TIMP3: variants seen among roughly 807,000 people sequenced by gnomAD.
TIMP3 encodes TIMP metallopeptidase inhibitor 3.
Under a neutral mutation model 30.0 loss-of-function variants are expected in TIMP3, and 11 were observed. The observed-to-expected ratio is 0.37, with a 90% confidence interval of 0.23 to 0.61. The LOEUF (loss-of-function observed/expected upper bound fraction) is 0.61. TIMP3 is among the 20% of genes least tolerant of loss of function. TIMP3 has a pLI of 0.70. For synonymous variants in TIMP3, 112 were observed against 111.3 expected, an observed-to-expected ratio of 1.01 and a Z score of -0.04; for missense variants, 181 against 276.8, an observed-to-expected ratio of 0.65 and a Z score of 2.45.
chr22:32,811,670 C>T (rs985173894), intron 1 of TIMP3, among the ~76,000 whole-genome samples: 5 of 152,100 alleles, frequency 3.3e-5, no homozygotes, highest in South Asian at 4.1e-4. Context: ...AACTTCGCAA[C>T]GAGGAAAGCA....
intron 1 of TIMP3, among the ~76,000 whole-genome samples, chr22:32,804,253 A>C (rs2046666276): frequency 6.6e-6 from 1 of 152,194 alleles, no homozygotes. Flanking sequence ...TAATGCTTTT[A>C]AAATGGGAGG....
At chr22:32,846,550 C>T (rs1314397889) in intron 1 of TIMP3, among the ~76,000 whole-genome samples, 1 of 152,188 alleles carries the variant, frequency 6.6e-6, no homozygotes, top group Non-Finnish European at 1.5e-5. Context: ...ACCCTCACAG[C>T]AACTTTATGA....
chr22:32,859,493 C>T lies in TIMP3; in HGVS notation c.*116C>T. The T allele has an allele frequency of 7.7e-7, 1 of 1,305,192 alleles. No individual in the cohort carries two copies. Among genetic ancestry groups the T allele is most frequent in the Non-Finnish European group, 1.0e-6 (1 of 954,210 alleles). 80.9% of individuals were successfully genotyped at this position (1,305,192 alleles called of 1,614,324 possible). On this transcript the variant is annotated 3_prime_UTR_variant, in exon 5 of 5. Coordinates refer to ENST00000266085, the MANE Select transcript of TIMP3 (RefSeq NM_000362.5). ...TGCCTGTTTTCTTGCAAATTTAGCA[C>T]TTGGAACATTTAAAGAAAGGTCTAT...
intron 1 of TIMP3, among the ~76,000 whole-genome samples, chr22:32,807,389 TATATA>T (rs542841243): frequency 9.8e-6 from 1 of 102,320 alleles, no homozygotes; most frequent in African/African-American, 3.9e-5. Flanking sequence ...ATATATATTA[TATATA>T]ATATATATAT....
chr22:32,840,019 C>T (rs2047847596), intron 1 of TIMP3, among the ~76,000 whole-genome samples: 1 of 152,068 alleles, frequency 6.6e-6, no homozygotes, highest in South Asian at 2.1e-4. Flanking sequence ...AGGTCCAGGA[C>T]AGGGCATCCC....
chr22:32,857,321 C>G lies in TIMP3; in HGVS notation c.277C>G (p.Leu93Val). Residue 93 changes from leucine to valine, a missense_variant, in exon 3 of 5, where the codon CTT becomes GTT. By Grantham distance (32) the Leu-to-Val change is conservative. Coordinates refer to ENST00000266085, the MANE Select transcript of TIMP3 (RefSeq NM_000362.5). ...HTEASESLCG[L>V]KLEVNKYQYL... ...GGAAGCTTCCGAGAGTCTCTGTGGCCTTAAGCTGGAGGTCAACAAGTACCA... is the reference window on the plus strand; with the variant it reads ...GGAAGCTTCCGAGAGTCTCTGTGGCGTTAAGCTGGAGGTCAACAAGTACCA... The G allele has an allele frequency of 1.2e-6, 2 of 1,614,128 alleles. No individual in the cohort carries two copies. The highest frequency in any genetic ancestry group is 1.7e-6 in the Non-Finnish European group (2 of 1,180,014).
intron 2 of TIMP3, among the ~76,000 whole-genome samples, chr22:32,852,827 AG>A (rs148288311): frequency 6.1e-4 from 93 of 152,318 alleles, no homozygotes; most frequent in African/African-American, 2.2e-3. Flanking sequence ...TGTGGGGTGA[AG>A]GTGAAAGTTT....
chr22:32,856,784 G>A (rs1204744891), intron 2 of TIMP3, among the ~76,000 whole-genome samples: 1 of 152,056 alleles, frequency 6.6e-6, no homozygotes, highest in Non-Finnish European at 1.5e-5. Context: ...TCGTATTTTT[G>A]TACCCATTAA....
intron 1 of TIMP3, among the ~76,000 whole-genome samples, chr22:32,805,911 G>A (rs2046721566): frequency 6.6e-6 from 1 of 151,744 alleles, no homozygotes; most frequent in South Asian, 2.1e-4. Context: ...AATGGCCAGA[G>A]GTTTTAATTA....
intron 2 of TIMP3, among the ~76,000 whole-genome samples, chr22:32,854,378 A>G (rs1569277755): frequency 1.3e-5 from 2 of 152,120 alleles, no homozygotes; most frequent in Non-Finnish European, 2.9e-5. Context: ...GAGCAGTTCA[A>G]ATGACCAGAC....
chr22:32,861,004 G>C lies in TIMP3; in HGVS notation c.*1627G>C, dbSNP rs951822383. Reference sequence around the variant, plus strand: ...GTTTTAGTGTCAAAAGTGAGATGCTGAGAGTAGGTGATAATGTATATTTTA... The same window carrying C: ...GTTTTAGTGTCAAAAGTGAGATGCTCAGAGTAGGTGATAATGTATATTTTA... On this transcript the variant is annotated 3_prime_UTR_variant, in exon 5 of 5. Coordinates refer to ENST00000266085, the MANE Select transcript of TIMP3 (RefSeq NM_000362.5). The C allele has an allele frequency of 4.0e-5, 6 of 151,546 alleles. No homozygotes were observed. The highest frequency in any genetic ancestry group is 1.5e-4 in the African/African-American group (6 of 41,044). 9.4% of individuals were successfully genotyped at this position (151,546 alleles called of 1,614,324 possible).
intron 1 of TIMP3, among the ~76,000 whole-genome samples, chr22:32,829,350 G>A (rs1305913333): frequency 6.6e-6 from 1 of 152,218 alleles, no homozygotes; most frequent in Non-Finnish European, 1.5e-5. Flanking sequence ...CCAAACAGTG[G>A]ACGGAGCAAG....
At chr22:32,838,680 C>A in intron 1 of TIMP3, among the ~76,000 whole-genome samples, 1 of 152,028 alleles carries the variant, frequency 6.6e-6, no homozygotes, top group East Asian at 1.9e-4. Context: ...TTTTACTTGT[C>A]CCTTCCTTTT....
Position 32,857,969 on chromosome 22 carries a change from G to A in TIMP3, c.317-48G>A, listed in dbSNP as rs1432234001. The A allele has an allele frequency of 5.0e-6, 8 of 1,613,838 alleles. No individual in the cohort carries two copies. In the South Asian group the frequency reaches 8.8e-5, roughly 18 times the overall value. ...GTAGGTGTGAATTCTCTCTGGGCTA[G>A]GCTCTGGACAAAACAACCTCTCCTT... On this transcript the variant is annotated intron_variant, in intron 3 of 4. Transcript: ENST00000266085.
chr22:32,821,611 A>C (rs1051078073), intron 1 of TIMP3, among the ~76,000 whole-genome samples: 6 of 152,228 alleles, frequency 3.9e-5, no homozygotes, highest in Non-Finnish European at 8.8e-5. Flanking sequence ...GCTGAGGGGC[A>C]AGGCAAATCG....
chr22:32,854,826 T>G (rs1311804015), intron 2 of TIMP3, among the ~76,000 whole-genome samples: 1 of 152,122 alleles, frequency 6.6e-6, no homozygotes, highest in African/African-American at 2.4e-5. Context: ...AGGAAGACCA[T>G]CTGAGTCCAT....
At chr22:32,855,148 G>A (rs1210758899) in intron 2 of TIMP3, among the ~76,000 whole-genome samples, 2 of 152,202 alleles carry the variant, frequency 1.3e-5, no homozygotes, top group African/African-American at 4.8e-5. Flanking sequence ...GCTTGTGTAC[G>A]CTGAGAACTG....
At chr22:32,853,135 T>G (rs917055904) in intron 2 of TIMP3, among the ~76,000 whole-genome samples, 1 of 152,292 alleles carries the variant, frequency 6.6e-6, no homozygotes, top group African/African-American at 2.4e-5. Flanking sequence ...CCTTTGAAGC[T>G]CTAGCTGGAA....
intron 2 of TIMP3, among the ~76,000 whole-genome samples, chr22:32,855,803 G>T (rs2048346986): frequency 6.6e-6 from 1 of 152,246 alleles, no homozygotes; most frequent in South Asian, 2.1e-4. Context: ...TCCTAGGGGG[G>T]CAAAATTGCC....
Sources: allele counts gnomAD v4.1 joint callset (sites outside exome capture counted in the v4.1 genomes callset), GRCh38; gene constraint gnomAD v4.1.1; transcripts MANE v1.5; gene names NCBI Gene and HGNC (gene_info 2026-07-23, HGNC 2026-07-21).